IMPG2: variants seen among roughly 807,000 people sequenced by gnomAD.
IMPG2 encodes interphotoreceptor matrix proteoglycan 2, also known as IPM 200.
IMPG2 carries 91 observed loss-of-function variants against 129.2 expected under a neutral mutation model. That is an observed-to-expected ratio of 0.70 (90% CI 0.59 to 0.84). IMPG2 has a LOEUF of 0.84. IMPG2 is among the 40% of genes least tolerant of loss of function. IMPG2 has a pLI of 0.00. For synonymous variants in IMPG2, 510 were observed against 517.7 expected, an observed-to-expected ratio of 0.99 and a Z score of 0.20; for missense variants, 1,430 against 1,461.7, an observed-to-expected ratio of 0.98 and a Z score of 0.35.
At chr3:101,290,524 A>C (rs1177566860) in intron 4 of IMPG2, among the ~76,000 whole-genome samples, 1 of 152,070 alleles carries the variant, frequency 6.6e-6, no homozygotes, top group African/African-American at 2.4e-5. Flanking sequence ...AAATAAATGT[A>C]AAAAATAAAA....
intron 7 of IMPG2, among the ~76,000 whole-genome samples, chr3:101,270,241 T>C (rs915447020): frequency 2.7e-4 from 41 of 152,158 alleles, no homozygotes; most frequent in African/African-American, 9.2e-4. Context: ...TTAAATGATA[T>C]TGTTTGGATT....
intron 3 of IMPG2, among the ~76,000 whole-genome samples, chr3:101,298,653 A>G (rs1436542565): frequency 6.6e-6 from 1 of 152,180 alleles, no homozygotes; most frequent in Non-Finnish European, 1.5e-5. Flanking sequence ...TCCTTCACTT[A>G]TGAAGCTTAG....
chr3:101,283,040 G>A (rs1349046139), intron 4 of IMPG2, among the ~76,000 whole-genome samples: 1 of 152,176 alleles, frequency 6.6e-6, no homozygotes, highest in Non-Finnish European at 1.5e-5. Flanking sequence ...TTGTTTTTGA[G>A]ATGGAGTCTC....
intron 10 of IMPG2, among the ~76,000 whole-genome samples, chr3:101,254,776 G>T (rs537129715): frequency 6.6e-6 from 1 of 152,066 alleles, no homozygotes; most frequent in Non-Finnish European, 1.5e-5. Context: ...GTTGAATTGC[G>T]ATCCCAAGCG....
intron 11 of IMPG2, among the ~76,000 whole-genome samples, chr3:101,253,269 C>T (rs1706563818): frequency 6.6e-6 from 1 of 152,060 alleles, no homozygotes; most frequent in Non-Finnish European, 1.5e-5. Flanking sequence ...ACACACTGTT[C>T]TATGTGTTTT....
At chr3:101,255,428 T>C (rs1277812507) in intron 10 of IMPG2, among the ~76,000 whole-genome samples, 1 of 152,116 alleles carries the variant, frequency 6.6e-6, no homozygotes, top group Non-Finnish European at 1.5e-5. Context: ...ACCAACAGGC[T>C]CCACATAAAA....
intron 10 of IMPG2, among the ~76,000 whole-genome samples, chr3:101,256,720 T>A (rs1312918473): frequency 2.0e-5 from 3 of 152,126 alleles, no homozygotes; most frequent in Non-Finnish European, 2.9e-5. Context: ...AAGATTTTCC[T>A]CCTCAGCAGC....
At chr3:101,238,086 C>G (rs1241202562) in intron 14 of IMPG2, among the ~76,000 whole-genome samples, 1 of 151,586 alleles carries the variant, frequency 6.6e-6, no homozygotes, top group Non-Finnish European at 1.5e-5. Context: ...ACACAAGTAT[C>G]AATAGCTGAA....
intron 14 of IMPG2, among the ~76,000 whole-genome samples, chr3:101,241,429 G>A (rs563496300): frequency 6.6e-5 from 10 of 152,312 alleles, no homozygotes; most frequent in African/African-American, 2.2e-4. Flanking sequence ...GGTTTGACTA[G>A]AACATGTTGA....
Position 101,223,494 on chromosome 3 carries a change from C to G in IMPG2, c.*3475G>C, listed in dbSNP as rs1706187050. 6.6e-6 allele frequency: 1 copy of G among 152,038 alleles called. No individual in the cohort carries two copies. Among genetic ancestry groups the G allele is most frequent in the African/African-American group, 2.4e-5 (1 of 41,400 alleles). The allele number at this position is 152,038 out of a possible 1,614,324, so 9.4% of individuals were successfully genotyped here. The stretch of plus-strand genomic sequence containing the variant: ...ATTCAATTCAGAGACAGAAAGATGT[C>G]AAAGTACCCATTGCTGAAAACAGAA... On this transcript the variant is annotated 3_prime_UTR_variant, in exon 19 of 19. Coordinates refer to ENST00000193391, the MANE Select transcript of IMPG2 (RefSeq NM_016247.4).
chr3:101,251,371 A>C (rs1308904786), intron 11 of IMPG2, among the ~76,000 whole-genome samples: 7 of 152,194 alleles, frequency 4.6e-5, no homozygotes, highest in Non-Finnish European at 8.8e-5. Context: ...ATAAAGAAGA[A>C]AGACCATCCC....
intron 9 of IMPG2, among the ~76,000 whole-genome samples, chr3:101,261,772 C>T (rs183432058): frequency 2.6e-5 from 4 of 152,154 alleles, no homozygotes; most frequent in South Asian, 4.1e-4. Flanking sequence ...AAATATATCT[C>T]AGGATGAGGT....
At chr3:101,228,931 C>A (rs1576741633) in intron 17 of IMPG2, 55 bp from the exon 18 acceptor site, 18 of 1,301,802 alleles carry the variant, frequency 1.4e-5, no homozygotes, top group African/African-American at 4.4e-5. Flanking sequence ...ACCTCAACAG[C>A]CTTTTAAAAG....
chr3:101,247,961 G>A (rs889544913), intron 11 of IMPG2, among the ~76,000 whole-genome samples: 2 of 152,074 alleles, frequency 1.3e-5, no homozygotes, highest in Non-Finnish European at 2.9e-5. Context: ...CCTCCTCCAG[G>A]AGACTTCTAT....
At chr3:101,279,942 A>T (rs1706875906) in intron 4 of IMPG2, among the ~76,000 whole-genome samples, 1 of 152,224 alleles carries the variant, frequency 6.6e-6, no homozygotes. Flanking sequence ...ATCCTTTTAC[A>T]TGTTTTCATT....
chr3:101,269,594 A>T lies in IMPG2; in HGVS notation c.829-21T>A, dbSNP rs1048760323. On this transcript the variant is annotated intron_variant, in intron 7 of 18. Transcript: ENST00000193391. ...TCAACCTGTTAAAAGTACAAATAAA[A>T]ATGATAACTATGTAAAAATATGGAA... is the stretch of plus-strand genomic sequence containing the variant. 4 of 1,397,580 alleles carry T rather than the reference A, an allele frequency of 2.9e-6. No individual in the cohort carries two copies. The Admixed American group carries it at 6.7e-5, about 23-fold the overall frequency. The allele number at this position is 1,397,580 out of a possible 1,614,324, so 86.6% of individuals were successfully genotyped here.
At chr3:101,297,251 T>C (rs1343336797) in intron 3 of IMPG2, among the ~76,000 whole-genome samples, 1 of 152,218 alleles carries the variant, frequency 6.6e-6, no homozygotes, top group Non-Finnish European at 1.5e-5. Flanking sequence ...GTCCCCTTTA[T>C]CATTATTTAT....
intron 2 of IMPG2, among the ~76,000 whole-genome samples, chr3:101,316,553 C>T (rs557807893): frequency 1.4e-4 from 22 of 151,860 alleles, no homozygotes; most frequent in African/African-American, 5.1e-4. Context: ...CAAATTAATA[C>T]CACAATAAGA....
intron 3 of IMPG2, among the ~76,000 whole-genome samples, chr3:101,292,178 CAAAG>C (rs1388123304): frequency 6.6e-6 from 1 of 152,164 alleles, no homozygotes. Context: ...ATCAGTAAAA[CAAAG>C]AGACTGTTAT....
Sources: allele counts gnomAD v4.1 joint callset (sites outside exome capture counted in the v4.1 genomes callset), GRCh38; gene constraint gnomAD v4.1.1; transcripts MANE v1.5; gene names NCBI Gene and HGNC (gene_info 2026-07-23, HGNC 2026-07-21).